The following RMND5B variants were observed in gnomAD, a reference collection of about 807,000 sequenced individuals.
RMND5B encodes the protein E3 ubiquitin-protein transferase RMND5B.
Under a neutral mutation model 50.4 loss-of-function variants are expected in RMND5B, and 42 were observed. The ratio of observed to expected loss-of-function variants is 0.83; its 90% CI spans 0.65 to 1.08. RMND5B has a LOEUF of 1.08. RMND5B is among the 50% of genes least tolerant of loss of function. The pLI is 0.00. For synonymous variants in RMND5B, 220 were observed against 210.0 expected (o/e 1.05, Z -0.41); for missense variants, 463 against 508.5 (o/e 0.91, Z 0.86).
In RMND5B at chr5:178,143,934, C is replaced by G. The variant is rs1188217780; in HGVS notation, c.528-8C>G. 1.9e-6 allele frequency: 3 copies of G among 1,613,884 alleles called. No individual in the cohort carries two copies. The highest frequency in any genetic ancestry group is 2.7e-5 in the African/African-American group (2 of 74,956). On this transcript the variant is annotated splice_region_variant and splice_polypyrimidine_tract_variant and intron_variant, in intron 6 of 10. Transcript: ENST00000313386. ...AGCTCTACACTAAACTGGCCCCTTT[C>G]TTCCCAGATGGGCCGTCTCCCACAG...
chr5:178,138,147 G>C lies in RMND5B; in HGVS notation c.28G>C (p.Glu10Gln). Residue 10 changes from glutamate (E) to glutamine (Q), a missense_variant, in exon 3 of 11, where the codon GAG becomes CAG. By Grantham distance (29) the Glu-to-Gln change is conservative. Coordinates refer to ENST00000313386, the MANE Select transcript of RMND5B (RefSeq NM_022762.5). This position sits in a 1 kb window ranked among gnomAD's most constrained non-coding sequence, Gnocchi z 5.1. ...GGAGCAGTGTGCGTGCGTGGAGAGA[G>C]AGCTGGACAAGGTCCTGCAGAAGTT... MEQCACVER[E>Q]LDKVLQKFLT... 2 of 1,610,228 alleles carry C rather than the reference G, an allele frequency of 1.2e-6. No homozygotes were observed. The highest frequency in any genetic ancestry group is 1.1e-5 in the South Asian group (1 of 90,300).
chr5:178,141,217 A>AC (rs1450926263), intron 3 of RMND5B: 1 of 152,086 alleles, frequency 6.6e-6, no homozygotes, highest in African/African-American at 2.4e-5. Flanking sequence ...CTTTTAAAGT[A>AC]CTCTGTCCAG....
chr5:178,145,517 A>C (rs1454909694), intron 7 of RMND5B, among the ~76,000 whole-genome samples: 1 of 151,476 alleles, frequency 6.6e-6, no homozygotes, highest in Admixed American at 6.6e-5. Context: ...ACACACAAAA[A>C]ACACACACAC....
At chr5:178,139,731 G>GTTTT (rs1561633623) in intron 3 of RMND5B, among the ~76,000 whole-genome samples, 2 of 139,490 alleles carry the variant, frequency 1.4e-5, no homozygotes, top group African/African-American at 5.5e-5. Context: ...TTTTTTTTTG[G>GTTTT]ATTTTTAGTA....
intron 7 of RMND5B, among the ~76,000 whole-genome samples, chr5:178,144,522 G>A (rs1032861277): frequency 1.3e-5 from 2 of 151,818 alleles, no homozygotes; most frequent in Admixed American, 6.6e-5. Flanking sequence ...CGAGGTGGGC[G>A]GATCATGAGG....
intron 6 of RMND5B, 104 bp from the exon 7 acceptor site, chr5:178,143,838 G>A (rs1755825617): frequency 6.7e-7 from 1 of 1,487,370 alleles, no homozygotes; most frequent in African/African-American, 1.4e-5. Flanking sequence ...CTGCAGCCCT[G>A]TCTCAAGAGC....
rs1189689162 is a variant in RMND5B, at chr5:178,149,399, G to A, written c.*1367G>A. 13 of 350,964 alleles carry A rather than the reference G, an allele frequency of 3.7e-5. No homozygotes were observed. The highest frequency in any genetic ancestry group is 2.0e-4 in the Admixed American group (5 of 24,548). The allele number at this position is 350,964 out of a possible 1,614,324, so 21.7% of individuals were successfully genotyped here. On this transcript the variant is annotated 3_prime_UTR_variant, in exon 11 of 11. Coordinates refer to ENST00000313386, the MANE Select transcript of RMND5B (RefSeq NM_022762.5). ...TGAGGAAGACTGCTTCACTCTTCCCGCCCACCAACTCGCTGGCCCAACCAG... is the reference window on the plus strand; with the variant it reads ...TGAGGAAGACTGCTTCACTCTTCCCACCCACCAACTCGCTGGCCCAACCAG...
chr5:178,137,609 G>C lies in RMND5B; in HGVS notation c.-12-499G>C, dbSNP rs1279474189. Among the ~76,000 whole-genome samples, 1 of 152,110 alleles carries C rather than the reference G, an allele frequency of 6.6e-6. No homozygotes were observed. Among genetic ancestry groups the C allele is most frequent in the Non-Finnish European group, 1.5e-5 (1 of 68,010 alleles). ...GAGGCTAAAGTGGGAGAATCCCTTGGGCCTGGGGGGATCAAGGTTGCCATG... is the reference window on the plus strand; with the variant it reads ...GAGGCTAAAGTGGGAGAATCCCTTGCGCCTGGGGGGATCAAGGTTGCCATG... On this transcript the variant is annotated intron_variant, in intron 2 of 10. Coordinates refer to ENST00000313386, the MANE Select transcript of RMND5B (RefSeq NM_022762.5). This position sits in a 1 kb window ranked among gnomAD's most constrained non-coding sequence, Gnocchi z 4.4.
At position 178,143,938 on chromosome 5, in the gene RMND5B, C is replaced by G; in HGVS notation, c.528-4C>G. On this transcript the variant is annotated splice_polypyrimidine_tract_variant and splice_region_variant and intron_variant, in intron 6 of 10. Coordinates refer to ENST00000313386, the MANE Select transcript of RMND5B (RefSeq NM_022762.5). Reference sequence around the variant, plus strand: ...CTACACTAAACTGGCCCCTTTCTTCCCAGATGGGCCGTCTCCCACAGGCAG... The same window carrying G: ...CTACACTAAACTGGCCCCTTTCTTCGCAGATGGGCCGTCTCCCACAGGCAG... 6.2e-7 allele frequency: 1 copy of G among 1,614,060 alleles called. No individual in the cohort carries two copies. The highest frequency in any genetic ancestry group is 8.5e-7 in the Non-Finnish European group (1 of 1,179,898).
At chr5:178,136,738 G>A (rs1758641197) in intron 2 of RMND5B, among the ~76,000 whole-genome samples, 1 of 152,104 alleles carries the variant, frequency 6.6e-6, no homozygotes, top group Non-Finnish European at 1.5e-5. Context: ...CTTGAGAATG[G>A]GCATTGGGCT....
rs774329334 is a variant in RMND5B, at chr5:178,146,269, C to G, written c.850C>G (p.Leu284Val). Residue 284 changes from leucine (L) to valine (V), a missense_variant, in exon 8 of 11, where the codon CTT becomes GTT. Physicochemically the swap from Leu to Val is conservative, Grantham distance 32 (BLOSUM62 1). Transcript: ENST00000313386. Reference protein sequence around the residue: ...SLLGLSVESPLSVSFASGCVA... With the variant: ...SLLGLSVESPVSVSFASGCVA... The stretch of plus-strand genomic sequence containing the variant: ...GCTGGGGCTTTCTGTGGAGTCCCCC[C>G]TTAGCGTCAGGTACAACCCAGCCCT... The G allele has an allele frequency of 4.3e-6, 7 of 1,613,940 alleles. No individual in the cohort carries two copies. The highest frequency in any genetic ancestry group is 1.7e-5 in the Admixed American group (1 of 60,000).
chr5:178,138,095 T>A lies in RMND5B; in HGVS notation c.-12-13T>A. Reference sequence around the variant, plus strand: ...TGGCCCAGATGGGGCCTGACCCAGCTGACCCTCCCCAGGCTGAGGCCACCA... The same window carrying A: ...TGGCCCAGATGGGGCCTGACCCAGCAGACCCTCCCCAGGCTGAGGCCACCA... On this transcript the variant is annotated splice_polypyrimidine_tract_variant and intron_variant, in intron 2 of 10. Transcript: ENST00000313386. This position sits in a 1 kb window ranked among gnomAD's most constrained non-coding sequence, Gnocchi z 5.1. 3 of 1,567,330 alleles carry A rather than the reference T, an allele frequency of 1.9e-6. No individual in the cohort carries two copies. The highest frequency in any genetic ancestry group is 2.6e-6 in the Non-Finnish European group (3 of 1,156,744).
In RMND5B at chr5:178,148,093, G is replaced by A. The variant is rs945095702; in HGVS notation, c.*61G>A. The A allele has an allele frequency of 1.8e-5, 28 of 1,544,050 alleles. No individual in the cohort carries two copies. Among genetic ancestry groups the A allele is most frequent in the Non-Finnish European group, 2.2e-5 (25 of 1,116,712 alleles). ...TCACCTGTGAGCCTTGGTCTGTCTC[G>A]GTAGGGTGGTCAACTTCAGTGGACT... On this transcript the variant is annotated 3_prime_UTR_variant, in exon 11 of 11. Coordinates refer to ENST00000313386, the MANE Select transcript of RMND5B (RefSeq NM_022762.5).
intron 8 of RMND5B, chr5:178,146,996 T>A (rs1756045341): frequency 2.5e-5 from 4 of 160,158 alleles, no homozygotes; most frequent in Admixed American, 2.4e-4. Context: ...AAGAACAACA[T>A]CAGCACCTTA....
In RMND5B at chr5:178,148,130, C is replaced by T; in HGVS notation, c.*98C>T. The stretch of plus-strand genomic sequence containing the variant: ...AACTTCAGTGGACTGTGGTTGGTTT[C>T]AGAGCGCCTGGCTGAGGAGTTCCAC... On this transcript the variant is annotated 3_prime_UTR_variant, in exon 11 of 11. Coordinates refer to ENST00000313386, the MANE Select transcript of RMND5B (RefSeq NM_022762.5). 8.0e-7 allele frequency: 1 copy of T among 1,242,536 alleles called. No individual in the cohort carries two copies. The highest frequency in any genetic ancestry group is 1.2e-5 in the South Asian group (1 of 81,366). The allele number at this position is 1,242,536 out of a possible 1,614,324, so 77.0% of individuals were successfully genotyped here. A position where few individuals can be genotyped will look rare whatever the true frequency, so the allele number is the denominator to read the frequency against.
intron 2 of RMND5B, among the ~76,000 whole-genome samples, chr5:178,132,505 G>A (rs1425474336): frequency 2.0e-5 from 3 of 151,920 alleles, no homozygotes; most frequent in Non-Finnish European, 2.9e-5. Context: ...AGGGACAAAA[G>A]GGAATACATA....
Position 178,147,525 on chromosome 5 carries a change from G to A in RMND5B, c.861-8G>A. On this transcript the variant is annotated splice_polypyrimidine_tract_variant and splice_region_variant and intron_variant, in intron 8 of 10. Coordinates refer to ENST00000313386, the MANE Select transcript of RMND5B (RefSeq NM_022762.5). ...TGAGCCACTCTAGCCCCTGTTCCTT[G>A]TCTGCAGCTTTGCCTCTGGCTGTGT... is the stretch of plus-strand genomic sequence containing the variant. The A allele has an allele frequency of 6.2e-7, 1 of 1,613,222 alleles. No individual in the cohort carries two copies. Among genetic ancestry groups the A allele is most frequent in the Non-Finnish European group, 8.5e-7 (1 of 1,179,502 alleles).
chr5:178,143,894 G>T (rs1247010292), intron 6 of RMND5B, 48 bp from the exon 7 acceptor site: 12 of 1,571,208 alleles, frequency 7.6e-6, no homozygotes, highest in African/African-American at 1.4e-5. Flanking sequence ...TGGCTCTCAG[G>T]TCCTAGCCCC....
In RMND5B at chr5:178,148,053, T is replaced by C; in HGVS notation, c.*21T>C. The C allele has an allele frequency of 6.2e-7, 1 of 1,612,334 alleles. No individual in the cohort carries two copies. The highest frequency in any genetic ancestry group is 1.1e-5 in the South Asian group (1 of 91,040). On this transcript the variant is annotated 3_prime_UTR_variant, in exon 11 of 11. Transcript: ENST00000313386. ...TCTGATTCCTACCTGGAAGGAATTTTGTTGAAAGGGGTTTTCACCTGTGAG... is the reference window on the plus strand; with the variant it reads ...TCTGATTCCTACCTGGAAGGAATTTCGTTGAAAGGGGTTTTCACCTGTGAG...
Sources: gnomAD v4.1 joint callset for allele counts (sites outside exome capture counted in the v4.1 genomes callset) on GRCh38, gnomAD v4.1.1 for gene constraint, Gnocchi (gnomAD v3.1) non-coding constraint, MANE v1.5 for transcripts, NCBI Gene and HGNC (gene_info 2026-07-23, HGNC 2026-07-21) for gene names.